The following SLC17A3 variants were observed in gnomAD, a reference collection of about 807,000 sequenced individuals.
SLC17A3 encodes the protein sodium-dependent phosphate transport protein 4.
Under a neutral mutation model 60.3 loss-of-function variants are expected in SLC17A3, and 61 were observed. The ratio of observed to expected loss-of-function variants is 1.01; its 90% CI spans 0.82 to 1.25. The LOEUF (loss-of-function observed/expected upper bound fraction) is 1.25. Ranked by LOEUF, SLC17A3 falls within the 50% of genes most tolerant of loss-of-function variation. SLC17A3 has a pLI of 0.00. For synonymous variants in SLC17A3, 192 were observed against 208.9 expected (o/e 0.92, Z 0.70); for missense variants, 624 against 594.9 (o/e 1.05, Z -0.51).
intron 5 of SLC17A3, among the ~76,000 whole-genome samples, chr6:25,856,576 A>G (rs1765359525): frequency 6.6e-6 from 1 of 152,184 alleles, no homozygotes; most frequent in Non-Finnish European, 1.5e-5. Flanking sequence ...GGCCGGGCGC[A>G]GTGGCTCATG....
chr6:25,848,372 C>A (rs1208303616), intron 11 of SLC17A3, among the ~76,000 whole-genome samples: 4 of 152,142 alleles, frequency 2.6e-5, no homozygotes, highest in Non-Finnish European at 5.9e-5. Flanking sequence ...CAATAGTCAT[C>A]CAGGCCAACA....
At chr6:25,869,254 T>A (rs1322706389) in intron 1 of SLC17A3, among the ~76,000 whole-genome samples, 2 of 151,960 alleles carry the variant, frequency 1.3e-5, no homozygotes, top group Non-Finnish European at 2.9e-5. Flanking sequence ...AATTGTAATA[T>A]TTGTGCTATG....
At chr6:25,848,721 A>C (rs1765219657) in intron 11 of SLC17A3, among the ~76,000 whole-genome samples, 1 of 152,216 alleles carries the variant, frequency 6.6e-6, no homozygotes, top group Non-Finnish European at 1.5e-5. Context: ...ACCCAAAAGC[A>C]AATGCAATAA....
At chr6:25,853,693 C>T (rs1226041048) in intron 6 of SLC17A3, among the ~76,000 whole-genome samples, 1 of 152,088 alleles carries the variant, frequency 6.6e-6, no homozygotes, top group Non-Finnish European at 1.5e-5. Context: ...GCTGGGATTA[C>T]AGGCGTGAGC....
intron 11 of SLC17A3, among the ~76,000 whole-genome samples, chr6:25,846,514 C>A (rs1765177109): frequency 6.6e-6 from 1 of 152,126 alleles, no homozygotes; most frequent in South Asian, 2.1e-4. Flanking sequence ...AAAATATAAT[C>A]TATGAAAACA....
At chr6:25,854,304 T>C (rs1765325679) in intron 6 of SLC17A3, among the ~76,000 whole-genome samples, 1 of 152,226 alleles carries the variant, frequency 6.6e-6, no homozygotes, top group South Asian at 2.1e-4. Context: ...TTTTGCTTCA[T>C]GTATTTTGAA....
At chr6:25,868,466 G>A in intron 1 of SLC17A3, 46 bp from the exon 2 acceptor site, 1 of 1,221,672 alleles carries the variant, frequency 8.2e-7, no homozygotes, top group Non-Finnish European at 1.2e-6. Flanking sequence ...GAGAGAAAGA[G>A]ACTCCCCGTT....
Position 25,849,733 on chromosome 6 carries a change from G to A in SLC17A3, c.1271+72C>T. ...ATGGTTTATTCATTTCCTAAGTTTG[G>A]GGATCCCAGAAAGCTGAAAGCTAAA... On this transcript the variant is annotated intron_variant, in intron 10 of 12. Coordinates refer to ENST00000397060, the MANE Select transcript of SLC17A3 (RefSeq NM_001098486.2). 2.0e-6 allele frequency: 3 copies of A among 1,533,190 alleles called. 1 individual carries two copies. The South Asian group carries it at 3.4e-5, about 17-fold the overall frequency. 95.0% of individuals were successfully genotyped at this position (1,533,190 alleles called of 1,614,324 possible). A position where few individuals can be genotyped will look rare whatever the true frequency, so the allele number is the denominator to read the frequency against.
intron 5 of SLC17A3, among the ~76,000 whole-genome samples, chr6:25,857,933 T>G (rs1256000039): frequency 6.6e-6 from 1 of 152,196 alleles, no homozygotes; most frequent in African/African-American, 2.4e-5. Context: ...CCTAAGAGTA[T>G]GTATTCTCTC....
intron 3 of SLC17A3, 60 bp from the exon 4 acceptor site, chr6:25,862,089 G>T: frequency 6.9e-7 from 1 of 1,451,016 alleles, no homozygotes; most frequent in East Asian, 2.4e-5. Flanking sequence ...ACATACCCTA[G>T]AAAGCTCCTT....
chr6:25,868,894 G>A (rs1030801140), intron 1 of SLC17A3, among the ~76,000 whole-genome samples: 2 of 151,958 alleles, frequency 1.3e-5, no homozygotes, highest in Non-Finnish European at 2.9e-5. Flanking sequence ...TACCATAGCA[G>A]TGGGTCACCT....
intron 6 of SLC17A3, among the ~76,000 whole-genome samples, chr6:25,854,437 A>G (rs755913716): frequency 6.6e-6 from 1 of 152,158 alleles, no homozygotes; most frequent in Non-Finnish European, 1.5e-5. Flanking sequence ...CTCTTGATTA[A>G]TGTTTCCATG....
chr6:25,848,490 T>G (rs750701072), intron 11 of SLC17A3, among the ~76,000 whole-genome samples: 1 of 152,104 alleles, frequency 6.6e-6, no homozygotes, highest in Non-Finnish European at 1.5e-5. Context: ...TTTTGGACAT[T>G]TAGTAGGGAA....
intron 5 of SLC17A3, among the ~76,000 whole-genome samples, chr6:25,859,664 C>A (rs1281166472): frequency 6.6e-6 from 1 of 152,142 alleles, no homozygotes; most frequent in Non-Finnish European, 1.5e-5. Context: ...TGTCATTGGC[C>A]CTGATGCCTT....
chr6:25,865,573 G>A lies in SLC17A3; in HGVS notation c.91+2724C>T, dbSNP rs561222492. Among the ~76,000 whole-genome samples the A allele has an allele frequency of 7.9e-5, 12 of 152,058 alleles. No homozygotes were observed. The South Asian group carries it at 2.3e-3, about 29-fold the overall frequency. ...GTATCAGCAAACCAAGAGACTAATG[G>A]CTTACAAATGAGGAGGTTGAACATT... On this transcript the variant is annotated intron_variant, in intron 2 of 12. Coordinates refer to ENST00000397060, the MANE Select transcript of SLC17A3 (RefSeq NM_001098486.2).
rs759495316 is a variant in SLC17A3 at position 25,861,614 on chromosome 6, A to G, written c.625+10T>C. 12 of 1,612,314 alleles carry G rather than the reference A, an allele frequency of 7.4e-6. No individual in the cohort carries two copies. Among genetic ancestry groups the G allele is most frequent in the Non-Finnish European group, 9.3e-6 (11 of 1,178,320 alleles). The stretch of plus-strand genomic sequence containing the variant: ...ATTGTAGTGTACCCATTTGGATTAC[A>G]TGTCCTTACCTGATAAAGCAATGCT... On this transcript the variant is annotated intron_variant, in intron 5 of 12. Transcript: ENST00000397060.
At chr6:25,870,668 C>T (rs1233956312) in intron 1 of SLC17A3, among the ~76,000 whole-genome samples, 1 of 152,028 alleles carries the variant, frequency 6.6e-6, no homozygotes, top group Non-Finnish European at 1.5e-5. Flanking sequence ...TCATCAACCA[C>T]TGGCAAGGAA....
intron 5 of SLC17A3, among the ~76,000 whole-genome samples, chr6:25,860,275 G>A (rs981280836): frequency 6.6e-6 from 1 of 150,496 alleles, no homozygotes; most frequent in African/African-American, 2.5e-5. Flanking sequence ...TCTACAATAG[G>A]TGCACCTTTC....
At chr6:25,870,106 T>C (rs1365014004) in intron 1 of SLC17A3, among the ~76,000 whole-genome samples, 1 of 152,010 alleles carries the variant, frequency 6.6e-6, no homozygotes, top group Non-Finnish European at 1.5e-5. Flanking sequence ...TATAGACATG[T>C]GCTTTCATTT....
Sources: allele counts gnomAD v4.1 joint callset (sites outside exome capture counted in the v4.1 genomes callset), GRCh38; gene constraint gnomAD v4.1.1; transcripts MANE v1.5; gene names NCBI Gene and HGNC (gene_info 2026-07-23, HGNC 2026-07-21).